EVI5: variants seen among roughly 807,000 people sequenced by gnomAD.
EVI5 encodes the protein ecotropic viral integration site 5 protein homolog.
In EVI5, 73 loss-of-function variants were observed where a neutral mutation model predicts 112.0. The ratio of observed to expected loss-of-function variants is 0.65; its 90% CI spans 0.54 to 0.79. EVI5 has a LOEUF of 0.79. Among genes scored for constraint, EVI5 ranks in the 30% least tolerant of loss-of-function variants. The pLI is 0.00. For missense variants in EVI5, 900 were observed against 968.8 expected (o/e 0.93, Z 0.94); for synonymous variants, 305 against 319.9 (o/e 0.95, Z 0.50).
intron 13 of EVI5, among the ~76,000 whole-genome samples, 165 bp downstream of exon 13, chr1:92,662,554 A>G (rs1020919637): frequency 6.6e-6 from 1 of 152,226 alleles, no homozygotes; most frequent in Non-Finnish European, 1.5e-5. Flanking sequence ...TTAGGCCACA[A>G]TAAGACCCCT....
At chr1:92,755,040 T>C (rs1338036649) in intron 1 of EVI5, among the ~76,000 whole-genome samples, 1 of 151,868 alleles carries the variant, frequency 6.6e-6, no homozygotes, top group Non-Finnish European at 1.5e-5. Context: ...ATAATGTTTA[T>C]TTCTTAAGGT....
chr1:92,693,413 C>T (rs190656728), intron 9 of EVI5, among the ~76,000 whole-genome samples: 76 of 152,180 alleles, frequency 5.0e-4, no homozygotes, highest in Non-Finnish European at 9.0e-4. Context: ...ATTTTAAGTT[C>T]TCAATCCATA....
intron 2 of EVI5, among the ~76,000 whole-genome samples, chr1:92,735,708 A>AATATT (rs1170207134): frequency 2.1e-5 from 3 of 142,610 alleles, no homozygotes; most frequent in Non-Finnish European, 4.6e-5. Flanking sequence ...TGAAATATAC[A>AATATT]ATATTATATT....
intron 19 of EVI5, among the ~76,000 whole-genome samples, chr1:92,542,105 G>A (rs1664912240): frequency 6.6e-6 from 1 of 152,166 alleles, no homozygotes; most frequent in Admixed American, 6.5e-5. Flanking sequence ...CTGTTTGATA[G>A]CATTTTACTC....
intron 13 of EVI5, among the ~76,000 whole-genome samples, chr1:92,648,522 C>T (rs1661453136): frequency 6.6e-6 from 1 of 152,018 alleles, no homozygotes; most frequent in Non-Finnish European, 1.5e-5. Flanking sequence ...ACCTATTAAG[C>T]AGTTTCTTAT....
chr1:92,521,648 C>T (rs533422907), intron 19 of EVI5, among the ~76,000 whole-genome samples: 9 of 151,288 alleles, frequency 5.9e-5, no homozygotes, highest in Admixed American at 1.3e-4. Flanking sequence ...GCTGAGATTG[C>T]GCTACCTCAC....
At position 92,635,678 on chromosome 1, in the gene EVI5, A is replaced by C. The variant is rs141312054; in HGVS notation, c.1527+524T>G. On this transcript the variant is annotated intron_variant, in intron 14 of 19. Coordinates refer to ENST00000684568, the MANE Select transcript of EVI5 (RefSeq NM_001350197.2). ...ACTATCCTGCACCCACTGTCCAACA[A>C]TCCCAATGAGATGCACCTGGTACGG... is the stretch of plus-strand genomic sequence containing the variant. Among the ~76,000 whole-genome samples the C allele has an allele frequency of 6.8e-3, 1,028 of 152,208 alleles. 11 individuals are homozygous for C. Among genetic ancestry groups the C allele is most frequent in the African/African-American group, 0.023 (945 of 41,540 alleles).
intron 10 of EVI5, among the ~76,000 whole-genome samples, chr1:92,671,787 G>T (rs527636705): frequency 6.8e-6 from 1 of 147,174 alleles, no homozygotes; most frequent in Admixed American, 6.9e-5. Flanking sequence ...TCTTACCTCA[G>T]TCCAAGCCAC....
intron 13 of EVI5, among the ~76,000 whole-genome samples, chr1:92,645,487 C>G (rs1047690070): frequency 1.3e-5 from 2 of 152,216 alleles, no homozygotes; most frequent in Non-Finnish European, 2.9e-5. Flanking sequence ...AAGCTCTACA[C>G]ATTTCCATAG....
chr1:92,638,598 G>A (rs1049535823), intron 13 of EVI5, among the ~76,000 whole-genome samples: 22 of 152,074 alleles, frequency 1.4e-4, no homozygotes, highest in African/African-American at 5.1e-4. Flanking sequence ...ATGTTTTAAT[G>A]TTTGACAGAA....
At chr1:92,530,406 G>A (rs1662663546) in intron 19 of EVI5, among the ~76,000 whole-genome samples, 1 of 152,128 alleles carries the variant, frequency 6.6e-6, no homozygotes, top group African/African-American at 2.4e-5. Flanking sequence ...GAAGAGAGCA[G>A]CGGATCTCCC....
intron 9 of EVI5, among the ~76,000 whole-genome samples, chr1:92,690,602 G>A (rs1009678143): frequency 2.0e-5 from 3 of 151,870 alleles, no homozygotes; most frequent in Admixed American, 6.6e-5. Context: ...TGCCTACCTC[G>A]GCCTCCCAAA....
intron 2 of EVI5, among the ~76,000 whole-genome samples, chr1:92,707,121 G>A (rs368137741): frequency 3.1e-4 from 47 of 150,786 alleles, no homozygotes; most frequent in African/African-American, 9.8e-4. Flanking sequence ...GGAGGTTGCG[G>A]TGAGCCGAGA....
At chr1:92,748,813 T>A (rs1167011998) in intron 1 of EVI5, among the ~76,000 whole-genome samples, 2 of 152,126 alleles carry the variant, frequency 1.3e-5, no homozygotes, top group Non-Finnish European at 1.5e-5. Flanking sequence ...ATGGTTGTAA[T>A]CCCAGCACTC....
At chr1:92,775,601 G>A (rs1285895267) in intron 1 of EVI5, among the ~76,000 whole-genome samples, 1 of 152,154 alleles carries the variant, frequency 6.6e-6, no homozygotes, top group Non-Finnish European at 1.5e-5. Flanking sequence ...TATAGCCTAG[G>A]TGTGTATAGT....
At chr1:92,631,305 C>T (rs1159306886) in intron 14 of EVI5, among the ~76,000 whole-genome samples, 2 of 152,102 alleles carry the variant, frequency 1.3e-5, no homozygotes, top group African/African-American at 2.4e-5. Flanking sequence ...ATTCTTCCTA[C>T]CCATGAGCAT....
intron 1 of EVI5, among the ~76,000 whole-genome samples, chr1:92,743,109 T>C (rs879608385): frequency 1.3e-5 from 2 of 152,152 alleles, no homozygotes; most frequent in Non-Finnish European, 2.9e-5. Context: ...TCCCAGCACT[T>C]TGGGAGGCTG....
chr1:92,543,395 T>C (rs1006502675), intron 19 of EVI5, among the ~76,000 whole-genome samples: 1 of 152,192 alleles, frequency 6.6e-6, no homozygotes, highest in Non-Finnish European at 1.5e-5. Context: ...TTGAAGAGAG[T>C]TATGGCCTTG....
chr1:92,662,401 T>C (rs913904409), intron 13 of EVI5, among the ~76,000 whole-genome samples: 1 of 152,216 alleles, frequency 6.6e-6, no homozygotes, highest in South Asian at 2.1e-4. Context: ...ATACCTATTA[T>C]GAAAACAGAT....
Sources: allele counts gnomAD v4.1 joint callset (sites outside exome capture counted in the v4.1 genomes callset), GRCh38; gene constraint gnomAD v4.1.1; transcripts MANE v1.5; gene names NCBI Gene and HGNC (gene_info 2026-07-23, HGNC 2026-07-21).